The following RABEPK variants were observed in gnomAD, a reference collection of about 807,000 sequenced individuals.
RABEPK encodes 40 kDa Rab9 effector protein.
Under a neutral mutation model 34.1 loss-of-function variants are expected in RABEPK, and 27 were observed. The observed-to-expected ratio is 0.79, with a 90% confidence interval of 0.58 to 1.09. The LOEUF (loss-of-function observed/expected upper bound fraction) is 1.09. Ranked by LOEUF, RABEPK falls within the 50% of genes least tolerant of loss-of-function variation. The pLI is 0.00. For missense variants in RABEPK, 449 were observed against 462.6 expected (o/e 0.97, Z 0.27); for synonymous variants, 172 against 169.2 (o/e 1.02, Z -0.13).
At position 125,203,081 on chromosome 9, in the gene RABEPK, A is replaced by C; in HGVS notation, c.53+15A>C. On this transcript the variant is annotated intron_variant, in intron 2 of 7. Transcript: ENST00000373538. ...AAAGCAACATGGTCTGTAAGGAAGG[A>C]TCCAGACACAGAAAAGCATGAGTTT... 4.3e-6 allele frequency: 7 copies of C among 1,609,308 alleles called. No individual in the cohort carries two copies. Among genetic ancestry groups the C allele is most frequent in the Non-Finnish European group, 6.0e-6 (7 of 1,176,194 alleles).
chr9:125,228,095 G>C (rs968250632), intron 6 of RABEPK, 36 bp downstream of exon 6: 1 of 1,344,986 alleles, frequency 7.4e-7, no homozygotes, highest in African/African-American at 1.5e-5. Flanking sequence ...GTTTAAAATT[G>C]TTATTTTTAT....
intron 6 of RABEPK, among the ~76,000 whole-genome samples, chr9:125,228,672 A>G (rs1260531726): frequency 4.0e-5 from 6 of 148,436 alleles, no homozygotes; most frequent in Non-Finnish European, 8.9e-5. Flanking sequence ...AAAAAAGAAA[A>G]AAAAAAAAAA....
intron 1 of RABEPK, among the ~76,000 whole-genome samples, chr9:125,201,331 C>T (rs950552651): frequency 5.9e-5 from 9 of 152,164 alleles, no homozygotes; most frequent in African/African-American, 1.7e-4. Flanking sequence ...AAAGGCCTGC[C>T]ATATTACAAG....
intron 4 of RABEPK, among the ~76,000 whole-genome samples, chr9:125,219,301 A>G (rs937690919): frequency 6.6e-6 from 1 of 150,740 alleles, no homozygotes; most frequent in Non-Finnish European, 1.5e-5. Context: ...GGCTCAAGCA[A>G]TCCTCCTGCC....
Position 125,203,086 on chromosome 9 carries a change from G to A in RABEPK, c.53+20G>A. The stretch of plus-strand genomic sequence containing the variant: ...AACATGGTCTGTAAGGAAGGATCCA[G>A]ACACAGAAAAGCATGAGTTTTTGTT... On this transcript the variant is annotated intron_variant, in intron 2 of 7. Coordinates refer to ENST00000373538, the MANE Select transcript of RABEPK (RefSeq NM_005833.4). The A allele has an allele frequency of 6.2e-7, 1 of 1,607,750 alleles. No homozygotes were observed. The highest frequency in any genetic ancestry group is 1.7e-4 in the Middle Eastern group (1 of 6,042).
At chr9:125,203,177 G>GA in intron 2 of RABEPK, 111 bp downstream of exon 2, 3 of 854,340 alleles carry the variant, frequency 3.5e-6, no homozygotes, top group Non-Finnish European at 3.8e-6. Context: ...GAAACTGTCT[G>GA]CAGTTTCTGG....
At chr9:125,223,251 A>G (rs1469088768) in intron 5 of RABEPK, among the ~76,000 whole-genome samples, 1 of 151,978 alleles carries the variant, frequency 6.6e-6, no homozygotes, top group African/African-American at 2.4e-5. Flanking sequence ...AATCCTGGGC[A>G]ACATGGTGAA....
Position 125,200,842 on chromosome 9 carries a change from C to T in RABEPK, c.-71C>T. 2.1e-6 allele frequency: 1 copy of T among 471,228 alleles called. No homozygotes were observed. The allele number at this position is 471,228 out of a possible 1,614,324, so 29.2% of individuals were successfully genotyped here. A position where few individuals can be genotyped will look rare whatever the true frequency, so the allele number is the denominator to read the frequency against. ...CGGCGGCTGCTGCGGGAGGTCCCGCCCACGTGAAGCCAGCCTAACTGAGCT... is the reference window on the plus strand; with the variant it reads ...CGGCGGCTGCTGCGGGAGGTCCCGCTCACGTGAAGCCAGCCTAACTGAGCT... On this transcript the variant is annotated 5_prime_UTR_variant, in exon 1 of 8. Coordinates refer to ENST00000373538, the MANE Select transcript of RABEPK (RefSeq NM_005833.4).
chr9:125,208,980 T>C (rs1223853504), intron 3 of RABEPK, among the ~76,000 whole-genome samples: 2 of 151,836 alleles, frequency 1.3e-5, no homozygotes, highest in Admixed American at 1.3e-4. Flanking sequence ...GTGCATTTTC[T>C]CTACCTAGCC....
intron 3 of RABEPK, among the ~76,000 whole-genome samples, chr9:125,211,968 CAAAA>C: frequency 7.3e-6 from 1 of 136,408 alleles, no homozygotes; most frequent in African/African-American, 2.7e-5. Flanking sequence ...GACTCCATCT[CAAAA>C]AAAAAAAAAA....
In RABEPK at chr9:125,200,562, G is replaced by C. The variant is rs558411934; in HGVS notation, c.-351G>C. On this transcript the variant is annotated 5_prime_UTR_variant, in exon 1 of 8. Coordinates refer to ENST00000373538, the MANE Select transcript of RABEPK (RefSeq NM_005833.4). ...GGGGTGGAGTCACGGCTCGCGACTG[G>C]CCTAAGTCGCCGCAGGTATTGCAGT... 6.5e-5 allele frequency: 26 copies of C among 402,210 alleles called. No individual in the cohort carries two copies. Among genetic ancestry groups the C allele is most frequent in the African/African-American group, 4.9e-4 (24 of 48,930 alleles). The allele number at this position is 402,210 out of a possible 1,614,324, so 24.9% of individuals were successfully genotyped here. A position where few individuals can be genotyped will look rare whatever the true frequency, so the allele number is the denominator to read the frequency against.
At chr9:125,215,539 T>G (rs910465440) in intron 4 of RABEPK, among the ~76,000 whole-genome samples, 1 of 152,048 alleles carries the variant, frequency 6.6e-6, no homozygotes, top group African/African-American at 2.4e-5. Flanking sequence ...CTCAAACTCC[T>G]GGGCTCAAGC....
intron 5 of RABEPK, among the ~76,000 whole-genome samples, chr9:125,223,149 G>T (rs920378831): frequency 2.0e-5 from 3 of 152,046 alleles, no homozygotes; most frequent in African/African-American, 7.2e-5. Context: ...GAATGGTGGC[G>T]GGCGCCTATA....
rs1282783818 is a variant in RABEPK at position 125,220,664 on chromosome 9, C to T, written c.490C>T (p.Pro164Ser). The part of the protein sequence containing the change: ...VFGGGERGAQ[P>S]VQDTKLHVFD... ...TGGGGGCGGAGAGAGAGGTGCCCAG[C>T]CCGTGCAGGACACGAAGCTGCATGT... Residue 164 changes from proline to serine, a missense_variant, in exon 5 of 8, where the codon CCC becomes TCC. Pro to Ser is a moderately conservative substitution (Grantham distance 74). Transcript: ENST00000373538. The T allele has an allele frequency of 2.5e-6, 4 of 1,614,154 alleles. No individual in the cohort carries two copies. Among genetic ancestry groups the T allele is most frequent in the Non-Finnish European group, 3.4e-6 (4 of 1,180,010 alleles).
chr9:125,212,999 A>G (rs1830687417), intron 3 of RABEPK, among the ~76,000 whole-genome samples: 1 of 152,196 alleles, frequency 6.6e-6, no homozygotes, highest in Admixed American at 6.6e-5. Context: ...ATTCAAGGAC[A>G]GGAAGTAGAG....
At chr9:125,201,529 G>A (rs1222229909) in intron 1 of RABEPK, among the ~76,000 whole-genome samples, 3 of 152,172 alleles carry the variant, frequency 2.0e-5, no homozygotes, top group Admixed American at 2.0e-4. Context: ...TGTAATCCCA[G>A]CTTTTTAGGA....
chr9:125,214,678 T>G lies in RABEPK; in HGVS notation c.364+1156T>G, dbSNP rs573011437. ...TTGCCTTTTGTTTGTTTGTTTTTGT[T>G]TTTCTCTTTACAAATATTATTTATG... On this transcript the variant is annotated intron_variant, in intron 4 of 7. Coordinates refer to ENST00000373538, the MANE Select transcript of RABEPK (RefSeq NM_005833.4). Among the ~76,000 whole-genome samples the G allele has an allele frequency of 4.6e-5, 7 of 152,330 alleles. No individual in the cohort carries two copies. The South Asian group carries it at 6.2e-4, about 14-fold the overall frequency.
rs1416745755 is a variant in RABEPK, at chr9:125,224,728, AC to A, written c.527-3181del. 4.5e-4 allele frequency among the ~76,000 whole-genome samples: 69 copies of A among 152,228 alleles called. 1 individual carries two copies. Among genetic ancestry groups the A allele is most frequent in the African/African-American group, 1.5e-3 (64 of 41,560 alleles). ...CTTGGCCTCCCAAAGTGCTGGGATT[AC>A]AGTCATAAGCCACTGCGCCCGGCCA... On this transcript the variant is annotated intron_variant, in intron 5 of 7. Transcript: ENST00000373538.
chr9:125,230,736 C>T (rs1455521457), intron 6 of RABEPK, among the ~76,000 whole-genome samples: 7 of 151,084 alleles, frequency 4.6e-5, no homozygotes, highest in African/African-American at 1.2e-4. Context: ...AGGGTTTCAC[C>T]GTGTTAGCCA....
Sources: allele counts gnomAD v4.1 joint callset (sites outside exome capture counted in the v4.1 genomes callset), GRCh38; gene constraint gnomAD v4.1.1; transcripts MANE v1.5; gene names NCBI Gene and HGNC (gene_info 2026-07-23, HGNC 2026-07-21).